ADAM29: variants seen among roughly 807,000 people sequenced by gnomAD.
ADAM29 encodes ADAM metallopeptidase domain 29.
For synonymous variants in ADAM29, 367 were observed against 342.3 expected (o/e 1.07, Z -0.80); for missense variants, 969 against 1,001.8 (o/e 0.97, Z 0.44).
At chr4:174,927,528 C>T (rs1743589187) in intron 2 of ADAM29, among the ~76,000 whole-genome samples, 1 of 152,216 alleles carries the variant, frequency 6.6e-6, no homozygotes, top group African/African-American at 2.4e-5. Flanking sequence ...TGTTATATTA[C>T]TATCTAAGTA....
rs1212068595 is a variant in ADAM29 at position 174,976,219 on chromosome 4, G to A, written c.694G>A (p.Val232Met). The stretch of plus-strand genomic sequence containing the variant: ...GGATCTATATGTTATTGTTAATATA[G>A]TGGATTCCATTTTGGATGTCATTGG... The part of the protein sequence containing the change: ...LEDLYVIVNI[V>M]DSILDVIGVK... The change falls in exon 5 of 5, where the codon GTG (valine) becomes ATG (methionine). Residue 232 changes from valine to methionine, a missense_variant. By Grantham distance (21) the Val-to-Met change is conservative. Coordinates refer to ENST00000359240, the MANE Select transcript of ADAM29 (RefSeq NM_014269.4). The A allele has an allele frequency of 6.2e-7, 1 of 1,605,712 alleles. No individual in the cohort carries two copies.
chr4:174,975,687 T>C lies in ADAM29; in HGVS notation c.162T>C (p.Tyr54=), dbSNP rs750875777. The change falls in exon 5 of 5, where the codon TAT becomes TAC. Residue 54 remains tyrosine (Y), a synonymous_variant. Transcript: ENST00000359240. The part of the protein sequence containing the change: ...RGMTPPGWLS[Y]ILPFGGQKHI... ...TGACACCTCCAGGCTGGCTCTCCTA[T>C]ATCCTGCCCTTTGGAGGCCAGAAAC... The C allele has an allele frequency of 5.6e-6, 9 of 1,612,150 alleles. No individual in the cohort carries two copies. The African/African-American group carries it at 1.2e-4, about 22-fold the overall frequency.
At chr4:174,923,376 T>G (rs950664707) in intron 2 of ADAM29, among the ~76,000 whole-genome samples, 13 of 151,636 alleles carry the variant, frequency 8.6e-5, no homozygotes, top group African/African-American at 2.9e-4. Flanking sequence ...AATTATAACT[T>G]AAATGGCCAC....
At chr4:174,930,163 C>G (rs936414737) in intron 2 of ADAM29, among the ~76,000 whole-genome samples, 1 of 152,128 alleles carries the variant, frequency 6.6e-6, no homozygotes, top group Admixed American at 6.5e-5. Context: ...CTCCTGACCT[C>G]AAGTAATCTG....
At chr4:174,965,513 A>G (rs1023466357) in intron 4 of ADAM29, among the ~76,000 whole-genome samples, 1 of 151,414 alleles carries the variant, frequency 6.6e-6, no homozygotes. Flanking sequence ...CTATCTATCT[A>G]TCTATCTATC....
intron 4 of ADAM29, among the ~76,000 whole-genome samples, chr4:174,968,685 T>C (rs373625756): frequency 6.6e-6 from 1 of 152,158 alleles, no homozygotes; most frequent in East Asian, 1.9e-4. Flanking sequence ...TAATCAACTT[T>C]GTACTTCTTT....
In ADAM29 at chr4:174,936,914, T is replaced by G. The variant is rs1744236590; in HGVS notation, c.-261-19T>G. ...ATCTGTGATAATATTTTAAATATAA[T>G]GAGTTCCTCTTATTCCAGAGAATGT... On this transcript the variant is annotated intron_variant, in intron 3 of 4. Coordinates refer to ENST00000359240, the MANE Select transcript of ADAM29 (RefSeq NM_014269.4). 1 of 152,034 alleles carries G rather than the reference T, an allele frequency of 6.6e-6. No individual in the cohort carries two copies. The highest frequency in any genetic ancestry group is 6.6e-5 in the Admixed American group (1 of 15,248). 9.4% of individuals were successfully genotyped at this position (152,034 alleles called of 1,614,324 possible).
Position 174,977,654 on chromosome 4 carries a change from T to C in ADAM29, c.2129T>C (p.Val710Ala). The C allele has an allele frequency of 2.5e-6, 4 of 1,614,252 alleles. No homozygotes were observed. Among genetic ancestry groups the C allele is most frequent in the Non-Finnish European group, 3.4e-6 (4 of 1,180,044 alleles). Residue 710 changes from valine to alanine, a missense_variant, in exon 5 of 5, where the codon GTT (valine) becomes GCT (alanine). Val to Ala is a moderately conservative substitution (Grantham distance 64). Transcript: ENST00000359240. ...AAACCAATAAAAAAGCAGCAAGATG[T>C]TCAAACTCCATCTGCAAAAGAAGAG... Reference protein sequence around the residue: ...KSKPIKKQQDVQTPSAKEEEK... With the variant: ...KSKPIKKQQDAQTPSAKEEEK...
rs144553475 is a variant in ADAM29 at position 174,944,200 on chromosome 4, A to G, written c.-181+7187A>G. Among the ~76,000 whole-genome samples, 11 of 152,252 alleles carry G rather than the reference A, an allele frequency of 7.2e-5. No individual in the cohort carries two copies. The East Asian group carries it at 1.9e-3, about 27-fold the overall frequency. ...AATCATGAGATACAGCTAAAGTTGA[A>G]CTTAGAATGAAATGTGTATAATGGC... is the stretch of plus-strand genomic sequence containing the variant. On this transcript the variant is annotated intron_variant, in intron 4 of 4. Coordinates refer to ENST00000359240, the MANE Select transcript of ADAM29 (RefSeq NM_014269.4).
chr4:174,933,088 T>C (rs1347795193), intron 3 of ADAM29, among the ~76,000 whole-genome samples: 1 of 152,112 alleles, frequency 6.6e-6, no homozygotes, highest in Non-Finnish European at 1.5e-5. Flanking sequence ...TGTTTTGTAA[T>C]TGTGATTAGA....
intron 4 of ADAM29, among the ~76,000 whole-genome samples, chr4:174,964,281 A>G (rs1378767784): frequency 3.9e-5 from 6 of 151,978 alleles, no homozygotes; most frequent in Admixed American, 6.6e-5. Flanking sequence ...CAAAGATTGT[A>G]TGTACAGAAA....
At chr4:174,949,394 A>G (rs1157657407) in intron 4 of ADAM29, among the ~76,000 whole-genome samples, 1 of 152,138 alleles carries the variant, frequency 6.6e-6, no homozygotes, top group Non-Finnish European at 1.5e-5. Context: ...CATTTCTCTA[A>G]GCAGATCTTT....
chr4:174,970,015 C>A (rs2111096383), intron 4 of ADAM29, among the ~76,000 whole-genome samples: 1 of 152,142 alleles, frequency 6.6e-6, no homozygotes, highest in South Asian at 2.1e-4. Context: ...TCCACATCCT[C>A]ACTGACTGTT....
At chr4:174,937,743 G>A (rs531358837) in intron 4 of ADAM29, among the ~76,000 whole-genome samples, 11 of 151,928 alleles carry the variant, frequency 7.2e-5, no homozygotes, top group East Asian at 3.9e-4. Context: ...TCTGAGCCTC[G>A]GATTGAAGCA....
intron 2 of ADAM29, among the ~76,000 whole-genome samples, chr4:174,925,771 C>T (rs542714994): frequency 4.6e-5 from 7 of 152,134 alleles, no homozygotes; most frequent in South Asian, 2.1e-4. Flanking sequence ...AAGAAGTGAA[C>T]CAGACAGAAG....
intron 3 of ADAM29, among the ~76,000 whole-genome samples, chr4:174,933,265 C>T (rs1270089083): frequency 4.6e-5 from 7 of 152,034 alleles, no homozygotes. Flanking sequence ...ATATAGTGGT[C>T]ATACAACCTC....
At position 174,977,700 on chromosome 4, in the gene ADAM29, T is replaced by C; in HGVS notation, c.2175T>C (p.Pro725=). 6.2e-7 allele frequency: 1 copy of C among 1,614,244 alleles called. No individual in the cohort carries two copies. Among genetic ancestry groups the C allele is most frequent in the East Asian group, 2.2e-5 (1 of 44,884 alleles). Residue 725 remains proline (P), a synonymous_variant, in exon 5 of 5, where the codon CCT becomes CCC. Coordinates refer to ENST00000359240, the MANE Select transcript of ADAM29 (RefSeq NM_014269.4). ...AKEEEKIQRR[P]HELPPQSQPW... ...AAGAGGAAAAAATTCAGCGTCGACC[T>C]CATGAGTTACCTCCCCAGAGTCAAC... is the stretch of plus-strand genomic sequence containing the variant.
chr4:174,977,512 G>C lies in ADAM29; in HGVS notation c.1987G>C (p.Asp663His). The C allele has an allele frequency of 2.5e-6, 4 of 1,614,208 alleles. No individual in the cohort carries two copies. The highest frequency in any genetic ancestry group is 3.4e-6 in the Non-Finnish European group (4 of 1,180,038). ...GATAAAAGGCTATGGAGGTAGTGTT[G>C]ACAGTGGCCCACCCCCTAAGAGAAA... ...CLIKGYGGSV[D>H]SGPPPKRKKK... is the part of the protein sequence containing the mutation. Residue 663 changes from aspartate (D) to histidine (H), a missense_variant, in exon 5 of 5, where the codon GAC becomes CAC. By Grantham distance (81) the Asp-to-His change is moderately conservative (BLOSUM62 -1). Transcript: ENST00000359240.
At chr4:174,929,079 C>T (rs1357145621) in intron 2 of ADAM29, among the ~76,000 whole-genome samples, 1 of 152,174 alleles carries the variant, frequency 6.6e-6, no homozygotes, top group Non-Finnish European at 1.5e-5. Flanking sequence ...CTTAAAATTT[C>T]CGGAATGCCA....
Sources: allele counts gnomAD v4.1 joint callset (sites outside exome capture counted in the v4.1 genomes callset), GRCh38; gene constraint gnomAD v4.1.1; transcripts MANE v1.5; gene names NCBI Gene and HGNC (gene_info 2026-07-23, HGNC 2026-07-21).